The following ATP1A4 variants were observed in gnomAD, a reference collection of about 807,000 sequenced individuals.
The protein encoded by ATP1A4 is ATPase Na+/K+ transporting subunit alpha 4.
Under a neutral mutation model 114.3 loss-of-function variants are expected in ATP1A4, and 90 were observed. That is an observed-to-expected ratio of 0.79 (90% CI 0.66 to 0.94). The LOEUF (loss-of-function observed/expected upper bound fraction) is 0.94, where lower values mean the gene tolerates loss of function less well. Among genes scored for constraint, ATP1A4 ranks in the 40% least tolerant of loss-of-function variants. ATP1A4 has a pLI of 0.00. For missense variants in ATP1A4, 1,222 were observed against 1,313.6 expected (o/e 0.93, Z 1.08); for synonymous variants, 511 against 494.1 (o/e 1.03, Z -0.45).
chr1:160,171,787 C>A, intron 12 of ATP1A4, 30 bp downstream of exon 12: 2 of 1,603,330 alleles, frequency 1.2e-6, no homozygotes, highest in South Asian at 1.1e-5. Flanking sequence ...AGGAGCCCCT[C>A]ACCTGTCACA....
At position 160,153,274 on chromosome 1, in the gene ATP1A4, GA is replaced by G. The variant is rs113309487; in HGVS notation, c.207+51del. ...GCAGAGAGTCTCCAACTCTGACTGT[GA>G]GGCTGCCAGGACAAAAGCTGAACTA... On this transcript the variant is annotated intron_variant, in intron 2 of 21. Coordinates refer to ENST00000368081, the MANE Select transcript of ATP1A4 (RefSeq NM_144699.4). 5.0e-4 allele frequency: 763 copies of G among 1,537,592 alleles called. 4 individuals are homozygous for G. The African/African-American group carries it at 8.7e-3, about 18-fold the overall frequency.
At position 160,174,708 on chromosome 1, in the gene ATP1A4, G is replaced by C; in HGVS notation, c.2272G>C (p.Asp758His). Residue 758 changes from aspartate (D) to histidine (H), a missense_variant, in exon 15 of 22, where the codon GAT becomes CAT. Physicochemically the swap from Asp to His is moderately conservative, Grantham distance 81. Transcript: ENST00000368081. ...SKQAADMILL[D>H]DNFASIVTGV... ...GCAGGCAGCCGACATGATCCTGCTG[G>C]ATGACAACTTTGCCTCCATCGTCAC... is the stretch of plus-strand genomic sequence containing the variant. 1 of 1,614,194 alleles carries C rather than the reference G, an allele frequency of 6.2e-7. No individual in the cohort carries two copies.
In ATP1A4 at chr1:160,159,025, A is replaced by G. The variant is rs144893419; in HGVS notation, c.549A>G (p.Gly183=). ...VPQQALVIRG[G]EKMQINVQEV... is the part of the protein sequence containing the mutation. ...AGCAAGCTCTGGTAATTCGAGGAGGAGAGAAGATGCAAATTAATGTACAAG... is the reference window on the plus strand; with the variant it reads ...AGCAAGCTCTGGTAATTCGAGGAGGGGAGAAGATGCAAATTAATGTACAAG... Residue 183 remains glycine (G), a synonymous_variant, in exon 5 of 22, where the codon GGA becomes GGG. Coordinates refer to ENST00000368081, the MANE Select transcript of ATP1A4 (RefSeq NM_144699.4). The G allele has an allele frequency of 2.5e-6, 4 of 1,613,914 alleles. No individual in the cohort carries two copies. Among genetic ancestry groups the G allele is most frequent in the Non-Finnish European group, 3.4e-6 (4 of 1,179,954 alleles).
chr1:160,186,692 A>G lies in ATP1A4; in HGVS notation c.3083A>G (p.Tyr1028Cys), dbSNP rs1171980450. 1.7e-5 allele frequency: 28 copies of G among 1,611,002 alleles called. No homozygotes were observed. Among genetic ancestry groups the G allele is most frequent in the Admixed American group, 5.0e-5 (3 of 59,654 alleles). Residue 1028 changes from tyrosine to cysteine, a missense_variant, in exon 22 of 22, where the codon TAC becomes TGC. Tyr to Cys is a radical substitution (Grantham distance 194, BLOSUM62 -2). Transcript: ENST00000368081. Reference sequence around the variant, plus strand: ...ACAGGCTGGGTGGAAAGGGAGACGTACTACTAAACTCAGCAGATGAAGAGC... The same window carrying G: ...ACAGGCTGGGTGGAAAGGGAGACGTGCTACTAAACTCAGCAGATGAAGAGC... ...HPDGWVERET[Y>C]Y
intron 12 of ATP1A4, among the ~76,000 whole-genome samples, chr1:160,172,843 G>C (rs1653312439): frequency 6.6e-6 from 1 of 152,162 alleles, no homozygotes. Flanking sequence ...GTGGTTTCCA[G>C]GTAGTGATCA....
intron 6 of ATP1A4, 77 bp downstream of exon 6, chr1:160,159,603 AG>A (rs1280505338): frequency 2.7e-5 from 35 of 1,293,822 alleles, no homozygotes; most frequent in Non-Finnish European, 3.7e-5. Context: ...TGTCTTCTAA[AG>A]GTAGCGAGGT....
rs371666265 is a variant in ATP1A4 at position 160,174,784 on chromosome 1, C to T, written c.2311+37C>T. ...GGGTGCCCATGGTGGAGACTTCAAC[C>T]CTGGACTCAGGTGGGGGTTGGTGTA... is the stretch of plus-strand genomic sequence containing the variant. On this transcript the variant is annotated intron_variant, in intron 15 of 21. Coordinates refer to ENST00000368081, the MANE Select transcript of ATP1A4 (RefSeq NM_144699.4). 2.4e-5 allele frequency: 38 copies of T among 1,612,268 alleles called. No homozygotes were observed. In the East Asian group the frequency reaches 5.1e-4, roughly 22 times the overall value.
At chr1:160,177,374 TG>T in intron 17 of ATP1A4, 144 bp from the exon 18 acceptor site, 1 of 743,808 alleles carries the variant, frequency 1.3e-6, no homozygotes, top group Non-Finnish European at 2.2e-6. Context: ...CTTAGGCAGC[TG>T]ATGGCAAGAT....
intron 18 of ATP1A4, among the ~76,000 whole-genome samples, chr1:160,178,358 A>AAAAT (rs55825666): frequency 0.4 from 60,116 of 149,108 alleles, 13,771 homozygotes; most frequent in African/African-American, 0.63. Context: ...TCTGTCTCAA[A>AAAAT]AAATAAATAA....
At chr1:160,166,809 C>G in intron 8 of ATP1A4, 83 bp downstream of exon 8, 3 of 1,575,212 alleles carry the variant, frequency 1.9e-6, no homozygotes, top group Non-Finnish European at 2.6e-6. Context: ...TGAGTCCAGA[C>G]AGACAGGAGG....
chr1:160,177,814 A>C, intron 18 of ATP1A4, 150 bp downstream of exon 18: 18 of 836,676 alleles, frequency 2.2e-5, no homozygotes, highest in Non-Finnish European at 2.9e-5. Flanking sequence ...GAGCCTTCTC[A>C]CACTTGCCCT....
intron 10 of ATP1A4, 22 bp downstream of exon 10, chr1:160,167,434 G>C: frequency 6.2e-7 from 1 of 1,609,378 alleles, no homozygotes; most frequent in Non-Finnish European, 8.5e-7. Context: ...ACAAAGGTAG[G>C]AGAATGGTGG....
intron 21 of ATP1A4, 42 bp downstream of exon 21, chr1:160,186,409 G>GC (rs761369416): frequency 6.8e-7 from 1 of 1,465,428 alleles, no homozygotes; most frequent in South Asian, 1.2e-5. Flanking sequence ...GTGGTCACCA[G>GC]CCCCCTCACT....
At chr1:160,171,108 C>T (rs984005856) in intron 10 of ATP1A4, 143 bp from the exon 11 acceptor site, 24 of 699,058 alleles carry the variant, frequency 3.4e-5, no homozygotes, top group Admixed American at 5.1e-5. Flanking sequence ...CAACCTGGGG[C>T]GAGATGTGAC....
At chr1:160,161,184 C>T (rs1558018870) in intron 6 of ATP1A4, among the ~76,000 whole-genome samples, 1 of 152,156 alleles carries the variant, frequency 6.6e-6, no homozygotes, top group Non-Finnish European at 1.5e-5. Context: ...ATTCACAGAC[C>T]GATAGCATTT....
At chr1:160,171,150 T>G in intron 10 of ATP1A4, 101 bp from the exon 11 acceptor site, 1 of 1,081,726 alleles carries the variant, frequency 9.2e-7, no homozygotes, top group African/African-American at 1.7e-5. Context: ...GAAATGGGGG[T>G]ATGAAACACA....
intron 6 of ATP1A4, among the ~76,000 whole-genome samples, chr1:160,161,185 G>A (rs188385515): frequency 7.9e-5 from 12 of 152,326 alleles, no homozygotes; most frequent in African/African-American, 1.2e-4. Context: ...TTCACAGACC[G>A]ATAGCATTTA....
chr1:160,164,109 C>A (rs777851738), intron 6 of ATP1A4, 47 bp from the exon 7 acceptor site: 6 of 1,597,614 alleles, frequency 3.8e-6, no homozygotes, highest in Non-Finnish European at 5.1e-6. Context: ...ATCTATACTT[C>A]TTATCATATC....
Position 160,185,918 on chromosome 1 carries a change from C to CAA in ATP1A4, c.2970-342_2970-341dup, listed in dbSNP as rs564826958. Among the ~76,000 whole-genome samples, 246 of 96,114 alleles carry CAA rather than the reference C, an allele frequency of 2.6e-3. 15 individuals are homozygous for CAA. In the East Asian group the frequency reaches 0.061, roughly 24 times the overall value. 63.1% of individuals were successfully genotyped at this position (96,114 alleles called of 152,430 possible). ...TGGGTGACAGAGTGAGACTCCGTCT[C>CAA]AAAAAAAAAAAAAAAAATTGCAAAA... On this transcript the variant is annotated intron_variant, in intron 20 of 21. Coordinates refer to ENST00000368081, the MANE Select transcript of ATP1A4 (RefSeq NM_144699.4).
Sources: allele counts gnomAD v4.1 joint callset (sites outside exome capture counted in the v4.1 genomes callset), GRCh38; gene constraint gnomAD v4.1.1; transcripts MANE v1.5; gene names NCBI Gene and HGNC (gene_info 2026-07-23, HGNC 2026-07-21).